KIAA0825: variants seen among roughly 807,000 people sequenced by gnomAD.
The protein encoded by KIAA0825 is KIAA0825.
In KIAA0825, 119 loss-of-function variants were observed where a neutral mutation model predicts 147.6. That is an observed-to-expected ratio of 0.81 (90% CI 0.69 to 0.94). The LOEUF (loss-of-function observed/expected upper bound fraction) is 0.94. Among genes scored for constraint, KIAA0825 ranks in the 40% least tolerant of loss-of-function variants. KIAA0825 has a pLI of 0.00. For synonymous variants in KIAA0825, 470 were observed against 518.1 expected (o/e 0.91, Z 1.26); for missense variants, 1,381 against 1,472.7 (o/e 0.94, Z 1.02).
At chr5:94,442,286 C>T (rs903354088) in intron 13 of KIAA0825, among the ~76,000 whole-genome samples, 13 of 152,126 alleles carry the variant, frequency 8.5e-5, no homozygotes, top group African/African-American at 3.1e-4. Context: ...TGTGTTTCAA[C>T]CTTGGGCCAA....
At chr5:94,593,989 C>A in intron 1 of KIAA0825, 1 of 488,456 alleles carries the variant, frequency 2.0e-6, no homozygotes, top group South Asian at 1.6e-5. Context: ...TATTACTCTT[C>A]CATTCAGAAT....
At chr5:94,247,975 T>C (rs1435062571) in intron 20 of KIAA0825, among the ~76,000 whole-genome samples, 1 of 152,122 alleles carries the variant, frequency 6.6e-6, no homozygotes, top group Non-Finnish European at 1.5e-5. Context: ...TCATTTTTGC[T>C]AGGTTACTAA....
rs183629732 is a variant in KIAA0825, at chr5:94,269,215, G to T, written c.3711-115091C>A. Among the ~76,000 whole-genome samples the T allele has an allele frequency of 3.6e-4, 54 of 152,088 alleles. 1 individual carries two copies. The highest frequency in any genetic ancestry group is 1.1e-3 in the African/African-American group (44 of 41,484). ...ACGTTGTCATCAGTTAAAATAATGGGTTATAAGATAGTATTTGAAAGCCTC... is the reference window on the plus strand; with the variant it reads ...ACGTTGTCATCAGTTAAAATAATGGTTTATAAGATAGTATTTGAAAGCCTC... On this transcript the variant is annotated intron_variant, in intron 20 of 20. Transcript: ENST00000682413.
intron 20 of KIAA0825, among the ~76,000 whole-genome samples, chr5:94,222,265 C>A (rs1386919170): frequency 1.3e-5 from 2 of 152,152 alleles, no homozygotes; most frequent in Non-Finnish European, 2.9e-5. Context: ...CCTTTCTCTC[C>A]TCTCCCAGGC....
chr5:94,281,642 C>G (rs1365861243), intron 20 of KIAA0825, among the ~76,000 whole-genome samples: 2 of 152,120 alleles, frequency 1.3e-5, no homozygotes, highest in African/African-American at 2.4e-5. Flanking sequence ...TGTAGGATGT[C>G]TGGCAGCCTT....
At chr5:94,602,591 A>G (rs894793606) in intron 1 of KIAA0825, among the ~76,000 whole-genome samples, 5 of 152,128 alleles carry the variant, frequency 3.3e-5, no homozygotes, top group African/African-American at 9.7e-5. Context: ...CATGATAGTG[A>G]GTGAGTTCTC....
intron 2 of KIAA0825, among the ~76,000 whole-genome samples, chr5:94,575,461 G>T (rs763816103): frequency 5.3e-5 from 8 of 152,188 alleles, no homozygotes; most frequent in East Asian, 3.8e-4. Flanking sequence ...AGAAAACCAG[G>T]CCGCTGTTAC....
chr5:94,206,867 G>A (rs1039550019), intron 20 of KIAA0825, among the ~76,000 whole-genome samples: 7 of 152,036 alleles, frequency 4.6e-5, no homozygotes, highest in African/African-American at 1.2e-4. Context: ...TTGCAAAAAC[G>A]GTTTTAGGGC....
At chr5:94,590,112 C>A (rs1784079403) in intron 1 of KIAA0825, among the ~76,000 whole-genome samples, 1 of 152,100 alleles carries the variant, frequency 6.6e-6, no homozygotes, top group Non-Finnish European at 1.5e-5. Flanking sequence ...GCCTCAGCAT[C>A]CCCATTAGAG....
At chr5:94,610,804 T>C (rs574156470) in intron 1 of KIAA0825, among the ~76,000 whole-genome samples, 67 of 124,048 alleles carry the variant, frequency 5.4e-4, no homozygotes, top group Non-Finnish European at 8.4e-4. Context: ...TATATATATA[T>C]ATAAATAAAA....
intron 20 of KIAA0825, among the ~76,000 whole-genome samples, chr5:94,223,188 T>G (rs1211029146): frequency 2.0e-5 from 3 of 152,188 alleles, no homozygotes; most frequent in Non-Finnish European, 4.4e-5. Context: ...CTTTCGAAAG[T>G]TAATTTCACA....
At chr5:94,360,823 C>G (rs1172023068) in intron 20 of KIAA0825, among the ~76,000 whole-genome samples, 1 of 152,202 alleles carries the variant, frequency 6.6e-6, no homozygotes, top group Non-Finnish European at 1.5e-5. Flanking sequence ...TATGGACTAG[C>G]TATTCTTTTA....
chr5:94,458,197 C>T (rs983665292), intron 12 of KIAA0825, among the ~76,000 whole-genome samples: 1 of 152,054 alleles, frequency 6.6e-6, no homozygotes, highest in African/African-American at 2.4e-5. Flanking sequence ...CAAGTTGTTG[C>T]CTAAATGTCA....
intron 14 of KIAA0825, among the ~76,000 whole-genome samples, chr5:94,437,079 A>G (rs1365360311): frequency 1.3e-5 from 2 of 152,190 alleles, no homozygotes; most frequent in African/African-American, 4.8e-5. Flanking sequence ...GAAATATATA[A>G]TTCAGAGTAT....
At chr5:94,510,068 A>C (rs1408026186) in intron 5 of KIAA0825, among the ~76,000 whole-genome samples, 3 of 152,178 alleles carry the variant, frequency 2.0e-5, no homozygotes, top group Non-Finnish European at 4.4e-5. Context: ...TCATCAAAAA[A>C]TTTGGAGGCA....
chr5:94,582,965 TA>T (rs1215048900), intron 1 of KIAA0825, among the ~76,000 whole-genome samples: 2 of 152,340 alleles, frequency 1.3e-5, no homozygotes, highest in African/African-American at 4.8e-5. Context: ...CTTGTTTAGT[TA>T]CTATTTGCTC....
At chr5:94,304,321 G>C (rs1305145624) in intron 20 of KIAA0825, among the ~76,000 whole-genome samples, 1 of 152,044 alleles carries the variant, frequency 6.6e-6, no homozygotes, top group African/African-American at 2.4e-5. Context: ...TGTAAGTGAA[G>C]GTGTCCTGAC....
intron 15 of KIAA0825, among the ~76,000 whole-genome samples, chr5:94,408,419 G>A (rs985483394): frequency 6.6e-6 from 1 of 152,036 alleles, no homozygotes; most frequent in South Asian, 2.1e-4. Context: ...GTGCGATCTT[G>A]GCTCACTGTA....
rs1193858835 is a variant in KIAA0825, at chr5:94,168,707, G to C, written c.3711-14583C>G. 2.0e-5 allele frequency among the ~76,000 whole-genome samples: 3 copies of C among 152,228 alleles called. No homozygotes were observed. The East Asian group carries it at 5.8e-4, about 29-fold the overall frequency. On this transcript the variant is annotated intron_variant, in intron 20 of 20. Coordinates refer to ENST00000682413, the MANE Select transcript of KIAA0825 (RefSeq NM_001145678.3). ...CTATTTGTCCAGCATTTAGTGGTGA[G>C]GTAGAAAAATGTCCCTTACTAAGAG...
Sources: gnomAD v4.1 joint callset for allele counts (sites outside exome capture counted in the v4.1 genomes callset) on GRCh38, gnomAD v4.1.1 for gene constraint, MANE v1.5 for transcripts, NCBI Gene and HGNC (gene_info 2026-07-23, HGNC 2026-07-21) for gene names.